Variants in KCNAB1 observed in about 807,000 individuals in gnomAD.
KCNAB1 encodes voltage-gated potassium channel subunit beta-1.
A neutral mutation model predicts 64.6 loss-of-function variants in KCNAB1; 35 were observed. That is an observed-to-expected ratio of 0.54 (90% CI 0.41 to 0.72). KCNAB1 has a LOEUF of 0.72. KCNAB1 is among the 30% of genes least tolerant of loss of function. The pLI is 0.00. For missense variants in KCNAB1, 401 were observed against 512.9 expected, an observed-to-expected ratio of 0.78 and a Z score of 2.11; for synonymous variants, 177 against 183.8, an observed-to-expected ratio of 0.96 and a Z score of 0.30.
chr3:156,122,479 A>G (rs891586566), intron 1 of KCNAB1, among the ~76,000 whole-genome samples: 1 of 152,226 alleles, frequency 6.6e-6, no homozygotes, highest in Non-Finnish European at 1.5e-5. Context: ...TAGTTAAGGT[A>G]ACCAGGTTTA....
intron 2 of KCNAB1, chr3:156,446,851 T>G (rs938384231): frequency 6.6e-6 from 1 of 152,282 alleles, no homozygotes; most frequent in African/African-American, 2.4e-5. Flanking sequence ...AGTCTATCCT[T>G]AGCACAATAG....
chr3:156,474,686 A>C lies in KCNAB1; in HGVS notation c.572-48A>C, dbSNP rs199769542. ...AAGAAACCAAACTTCAACTCTGAAT[A>C]GTGCTCATATTTAGATTTTGGGGTT... On this transcript the variant is annotated intron_variant, in intron 7 of 13. Transcript: ENST00000490337. 10 of 1,333,218 alleles carry C rather than the reference A, an allele frequency of 7.5e-6. No individual in the cohort carries two copies. In the East Asian group the frequency reaches 2.3e-4, roughly 31 times the overall value. The allele number at this position is 1,333,218 out of a possible 1,614,324, so 82.6% of individuals were successfully genotyped here. A position where few individuals can be genotyped will look rare whatever the true frequency, so the allele number is the denominator to read the frequency against.
chr3:156,321,260 T>C (rs947799982), intron 1 of KCNAB1, among the ~76,000 whole-genome samples: 3 of 152,212 alleles, frequency 2.0e-5, no homozygotes, highest in Non-Finnish European at 4.4e-5. Flanking sequence ...CAAGAATGGC[T>C]GCTGTTTGGA....
chr3:156,269,207 C>T (rs534279305), intron 1 of KCNAB1, among the ~76,000 whole-genome samples: 1 of 152,274 alleles, frequency 6.6e-6, no homozygotes, highest in South Asian at 2.1e-4. Context: ...ACATTCAGTT[C>T]CATTGGTATA....
intron 1 of KCNAB1, among the ~76,000 whole-genome samples, chr3:156,363,438 G>A (rs1330441337): frequency 6.6e-6 from 1 of 151,530 alleles, no homozygotes; most frequent in African/African-American, 2.4e-5. Flanking sequence ...CTTAATGCAG[G>A]AATAAGTGTA....
intron 1 of KCNAB1, among the ~76,000 whole-genome samples, chr3:156,275,880 C>T (rs1217927861): frequency 6.6e-6 from 1 of 152,118 alleles, no homozygotes; most frequent in East Asian, 1.9e-4. Flanking sequence ...GAATCAACTT[C>T]TTTCAAAATC....
At chr3:156,219,695 TTTA>T (rs139168632) in intron 1 of KCNAB1, among the ~76,000 whole-genome samples, 3,123 of 146,704 alleles carry the variant, frequency 0.021, 70 homozygotes, top group African/African-American at 0.052. Context: ...AAGGAATCTT[TTTA>T]TTATTATTAT....
chr3:156,232,219 A>C (rs141959756), intron 1 of KCNAB1, among the ~76,000 whole-genome samples: 2 of 152,210 alleles, frequency 1.3e-5, no homozygotes, highest in Admixed American at 1.3e-4. Flanking sequence ...CCCTCCCTTC[A>C]TACAAACTCT....
chr3:156,178,682 T>C (rs1412062413), intron 1 of KCNAB1, among the ~76,000 whole-genome samples: 1 of 152,220 alleles, frequency 6.6e-6, no homozygotes, highest in African/African-American at 2.4e-5. Flanking sequence ...TGCGTTTTTT[T>C]ACTTAATAAA....
chr3:156,228,771 T>C (rs2108430942), intron 1 of KCNAB1, among the ~76,000 whole-genome samples: 1 of 152,354 alleles, frequency 6.6e-6, no homozygotes, highest in Non-Finnish European at 1.5e-5. Context: ...AGCCACTATG[T>C]GATTCTCAGG....
chr3:156,465,936 A>C (rs1170160099), intron 7 of KCNAB1, among the ~76,000 whole-genome samples: 1 of 152,192 alleles, frequency 6.6e-6, no homozygotes, highest in East Asian at 1.9e-4. Flanking sequence ...ATATTAATAA[A>C]ACATTCTCAT....
intron 10 of KCNAB1, among the ~76,000 whole-genome samples, chr3:156,515,479 T>C (rs924147088): frequency 9.5e-6 from 1 of 105,038 alleles, no homozygotes; most frequent in African/African-American, 4.4e-5. Context: ...TCAGCAGGTG[T>C]TCAAAAAAAA....
chr3:156,418,433 C>G (rs932301112), intron 1 of KCNAB1, among the ~76,000 whole-genome samples: 1 of 152,194 alleles, frequency 6.6e-6, no homozygotes, highest in Admixed American at 6.5e-5. Context: ...CTCATTAGAT[C>G]AAATGTGTCA....
intron 1 of KCNAB1, among the ~76,000 whole-genome samples, chr3:156,381,882 C>A (rs925503551): frequency 7.2e-5 from 11 of 152,174 alleles, no homozygotes; most frequent in African/African-American, 2.4e-4. Context: ...ATTAGCCTTG[C>A]ACAGATGCTT....
In KCNAB1 at chr3:156,340,681, G is replaced by T. The variant is rs138151000; in HGVS notation, c.276-80935G>T. ...AGCTGATCTGAAATAAACAGCCAAT[G>T]TAGGGACTTTGCAGGCAGAATCACC... On this transcript the variant is annotated intron_variant, in intron 1 of 13. Coordinates refer to ENST00000490337, the MANE Select transcript of KCNAB1 (RefSeq NM_172160.3). Among the ~76,000 whole-genome samples the T allele has an allele frequency of 2.7e-3, 406 of 152,356 alleles. 3 individuals carry two copies. The highest frequency in any genetic ancestry group is 9.3e-3 in the African/African-American group (386 of 41,578).
At chr3:156,468,961 G>T (rs770091806) in intron 7 of KCNAB1, among the ~76,000 whole-genome samples, 28 of 152,226 alleles carry the variant, frequency 1.8e-4, no homozygotes, top group Admixed American at 1.2e-3. Flanking sequence ...CATGGAGTTT[G>T]CCAGTGACAA....
At chr3:156,406,245 G>T (rs763588886) in intron 1 of KCNAB1, among the ~76,000 whole-genome samples, 2 of 152,164 alleles carry the variant, frequency 1.3e-5, no homozygotes, top group Non-Finnish European at 2.9e-5. Context: ...ACCTCAATCT[G>T]CATTGTGAAA....
intron 1 of KCNAB1, among the ~76,000 whole-genome samples, chr3:156,259,247 C>G (rs896346177): frequency 1.3e-5 from 2 of 152,166 alleles, no homozygotes; most frequent in Non-Finnish European, 2.9e-5. Context: ...CTGCCCTGAC[C>G]CCCTTAAGGG....
At position 156,427,081 on chromosome 3, in the gene KCNAB1, G is replaced by A. The variant is rs1266054002; in HGVS notation, c.319+5422G>A. Reference sequence around the variant, plus strand: ...GTGATTAGGAGAAAGAATGAGTAGGGCTGGTGATCTCTGGATACAGAATAG... The same window carrying A: ...GTGATTAGGAGAAAGAATGAGTAGGACTGGTGATCTCTGGATACAGAATAG... On this transcript the variant is annotated intron_variant, in intron 2 of 13. Coordinates refer to ENST00000490337, the MANE Select transcript of KCNAB1 (RefSeq NM_172160.3). Among the ~76,000 whole-genome samples, 6 of 152,156 alleles carry A rather than the reference G, an allele frequency of 3.9e-5. No individual in the cohort carries two copies. In the East Asian group the frequency reaches 9.6e-4, roughly 24 times the overall value.
Sources: allele counts gnomAD v4.1 joint callset (sites outside exome capture counted in the v4.1 genomes callset), GRCh38; gene constraint gnomAD v4.1.1; transcripts MANE v1.5; gene names NCBI Gene and HGNC (gene_info 2026-07-23, HGNC 2026-07-21).